The following R3HDM2 variants were observed in gnomAD, a reference collection of about 807,000 sequenced individuals.
R3HDM2 encodes the protein R3H domain-containing protein 2.
In R3HDM2, 38 loss-of-function variants were observed where a neutral mutation model predicts 124.5. The ratio of observed to expected loss-of-function variants is 0.31; its 90% CI spans 0.24 to 0.40. The LOEUF is 0.40. Among genes scored for constraint, R3HDM2 ranks in the 10% least tolerant of loss-of-function variants. R3HDM2 has a pLI of 1.00. For synonymous variants in R3HDM2, 391 were observed against 448.0 expected, an observed-to-expected ratio of 0.87 and a Z score of 1.61; for missense variants, 869 against 1,236.9, an observed-to-expected ratio of 0.70 and a Z score of 4.46.
At chr12:57,340,819 G>C (rs781176207) in intron 2 of R3HDM2, among the ~76,000 whole-genome samples, 1 of 151,406 alleles carries the variant, frequency 6.6e-6, no homozygotes, top group Non-Finnish European at 1.5e-5. Context: ...TTTTCAAACT[G>C]ACCTCTGCAG....
intron 1 of R3HDM2, among the ~76,000 whole-genome samples, chr12:57,408,437 TAATC>T (rs2068720716): frequency 6.6e-6 from 1 of 152,116 alleles, no homozygotes; most frequent in Non-Finnish European, 1.5e-5. Flanking sequence ...TGCTTCAAAA[TAATC>T]AATAAGGGGC....
chr12:57,407,509 A>C (rs1188894008), intron 1 of R3HDM2, among the ~76,000 whole-genome samples: 2 of 149,768 alleles, frequency 1.3e-5, no homozygotes, highest in Non-Finnish European at 3.0e-5. Context: ...GGGTTCAAGC[A>C]ATTCTCCTGC....
chr12:57,360,045 ATATTTTT>A (rs1566328828), intron 2 of R3HDM2, among the ~76,000 whole-genome samples: 2 of 77,032 alleles, frequency 2.6e-5, no homozygotes, highest in African/African-American at 8.0e-5. Context: ...ATATATATAT[ATATTTTT>A]TTTTTTTTTT....
chr12:57,408,137 G>C (rs2068694227), intron 1 of R3HDM2, among the ~76,000 whole-genome samples: 1 of 152,096 alleles, frequency 6.6e-6, no homozygotes, highest in East Asian at 1.9e-4. Flanking sequence ...CACCATGTTG[G>C]TCAGGCTGAT....
intron 2 of R3HDM2, among the ~76,000 whole-genome samples, chr12:57,312,759 T>G (rs903229492): frequency 2.6e-5 from 4 of 151,876 alleles, no homozygotes; most frequent in African/African-American, 9.7e-5. Context: ...CATCCAGCCT[T>G]AAATTCTTTC....
intron 1 of R3HDM2, among the ~76,000 whole-genome samples, chr12:57,403,587 T>C (rs1476393484): frequency 4.6e-5 from 7 of 151,990 alleles, no homozygotes; most frequent in African/African-American, 1.7e-4. Flanking sequence ...GGCGGGTGTA[T>C]TGCTTGAGCT....
At chr12:57,320,317 G>T (rs1350798442) in intron 2 of R3HDM2, among the ~76,000 whole-genome samples, 1 of 76,852 alleles carries the variant, frequency 1.3e-5, no homozygotes, top group Admixed American at 1.6e-4. Context: ...AAAGCCAGTA[G>T]TAGCTTAAAA....
At position 57,300,190 on chromosome 12, in the gene R3HDM2, A is replaced by C. The variant is rs996904506; in HGVS notation, c.208-9T>G. ...TTTAGCTTGGAATTAGACTGAAAAAAACAAAAAACAATTTTCAATTTTTTT... is the reference window on the plus strand; with the variant it reads ...TTTAGCTTGGAATTAGACTGAAAAACACAAAAAACAATTTTCAATTTTTTT... On this transcript the variant is annotated splice_polypyrimidine_tract_variant and intron_variant, in intron 4 of 23. Coordinates refer to ENST00000402412, the MANE Select transcript of R3HDM2 (RefSeq NM_001394031.1). 1.3e-6 allele frequency: 2 copies of C among 1,549,202 alleles called. No homozygotes were observed. Among genetic ancestry groups the C allele is most frequent in the Non-Finnish European group, 8.7e-7 (1 of 1,145,066 alleles).
intron 1 of R3HDM2, among the ~76,000 whole-genome samples, chr12:57,418,626 T>G (rs1049089913): frequency 1.3e-5 from 2 of 151,740 alleles, no homozygotes; most frequent in African/African-American, 4.8e-5. Context: ...TGGTGCGATC[T>G]CAGCTCACCG....
At chr12:57,305,672 G>T (rs150231539) in intron 3 of R3HDM2, 37 of 398,916 alleles carry the variant, frequency 9.3e-5, no homozygotes, top group African/African-American at 7.4e-4. Context: ...TCCTGTTGGA[G>T]AAGACAGACA....
chr12:57,259,185 G>T (rs2040007125), intron 19 of R3HDM2, 126 bp from the exon 20 acceptor site: 1 of 911,590 alleles, frequency 1.1e-6, no homozygotes, highest in Non-Finnish European at 1.6e-6. Flanking sequence ...GCTACGTCTT[G>T]CCAGGAACCT....
At chr12:57,257,075 T>C (rs1364309795) in intron 21 of R3HDM2, among the ~76,000 whole-genome samples, 1 of 152,144 alleles carries the variant, frequency 6.6e-6, no homozygotes, top group Non-Finnish European at 1.5e-5. Flanking sequence ...TGCCCCGGGC[T>C]CCCAAAGTGC....
chr12:57,381,877 GTA>G (rs1198799020), intron 2 of R3HDM2, among the ~76,000 whole-genome samples: 1 of 152,018 alleles, frequency 6.6e-6, no homozygotes, highest in Non-Finnish European at 1.5e-5. Context: ...GAGTGTAGTG[GTA>G]TAATCATGAC....
intron 1 of R3HDM2, among the ~76,000 whole-genome samples, chr12:57,418,730 TTGTG>T (rs1262740589): frequency 4.2e-4 from 64 of 151,998 alleles, no homozygotes; most frequent in African/African-American, 1.5e-3. Flanking sequence ...AGCTAATTTT[TTGTG>T]TGTATTTTTG....
At chr12:57,259,543 T>C (rs2040119773) in intron 19 of R3HDM2, among the ~76,000 whole-genome samples, 1 of 152,206 alleles carries the variant, frequency 6.6e-6, no homozygotes, top group South Asian at 2.1e-4. Flanking sequence ...ACCCAGAAAG[T>C]ACATCTTGGC....
chr12:57,282,732 A>G (rs2046466944), intron 13 of R3HDM2, among the ~76,000 whole-genome samples: 2 of 152,180 alleles, frequency 1.3e-5, no homozygotes, highest in African/African-American at 2.4e-5. Context: ...CCAGTGTCAT[A>G]ATTACATAAA....
chr12:57,268,716 A>G, intron 17 of R3HDM2: 1 of 713,292 alleles, frequency 1.4e-6, no homozygotes, highest in Non-Finnish European at 2.2e-6. Flanking sequence ...GCATATACTC[A>G]TTCCATGGCT....
chr12:57,262,906 A>G (rs1252103124), intron 19 of R3HDM2, among the ~76,000 whole-genome samples: 1 of 152,194 alleles, frequency 6.6e-6, no homozygotes, highest in Non-Finnish European at 1.5e-5. Flanking sequence ...CAGGGTAACT[A>G]AGAACAAAGG....
intron 2 of R3HDM2, among the ~76,000 whole-genome samples, chr12:57,348,244 C>T (rs2060256241): frequency 6.6e-6 from 1 of 151,840 alleles, no homozygotes; most frequent in African/African-American, 2.4e-5. Flanking sequence ...GGCAACATGG[C>T]GAGACCTCGT....
Sources: allele counts gnomAD v4.1 joint callset (sites outside exome capture counted in the v4.1 genomes callset), GRCh38; gene constraint gnomAD v4.1.1; transcripts MANE v1.5; gene names NCBI Gene and HGNC (gene_info 2026-07-23, HGNC 2026-07-21).